The following OPCML variants were observed in gnomAD, a reference collection of about 807,000 sequenced individuals.
OPCML encodes the protein opioid binding protein/cell adhesion molecule like.
A neutral mutation model predicts 37.8 loss-of-function variants in OPCML; 13 were observed. That is an observed-to-expected ratio of 0.34 (90% CI 0.22 to 0.55). The LOEUF (loss-of-function observed/expected upper bound fraction) is 0.55, where lower values mean the gene tolerates loss of function less well. Ranked by LOEUF, OPCML falls within the 20% of genes least tolerant of loss-of-function variation. OPCML has a pLI of 0.91. For missense variants in OPCML, 341 were observed against 435.6 expected (o/e 0.78, Z 1.93); for synonymous variants, 176 against 168.8 (o/e 1.04, Z -0.33).
intron 2 of OPCML, among the ~76,000 whole-genome samples, chr11:132,914,221 T>A (rs1944531513): frequency 6.6e-6 from 1 of 152,232 alleles, no homozygotes. Flanking sequence ...AACTGCCTTG[T>A]GGCCCTCTGC....
chr11:132,762,742 T>A (rs565939048), intron 2 of OPCML, among the ~76,000 whole-genome samples: 1 of 152,100 alleles, frequency 6.6e-6, no homozygotes, highest in Non-Finnish European at 1.5e-5. Flanking sequence ...AATCATAGCT[T>A]TTTGGGCTCC....
rs1944936751 is a variant in OPCML, at chr11:132,727,748, G to A, written c.147-70429C>T. ...ATCTCCAGTCGGGAAAATACTCATG[G>A]AATAAAATATCCTCCTACAGCCCTA... On this transcript the variant is annotated intron_variant, in intron 2 of 7. Coordinates refer to ENST00000524381, the MANE Select transcript of OPCML (RefSeq NM_001012393.5). 2.6e-5 allele frequency among the ~76,000 whole-genome samples: 4 copies of A among 152,168 alleles called. 1 individual carries two copies. The South Asian group carries it at 8.3e-4, about 32-fold the overall frequency.
intron 1 of OPCML, among the ~76,000 whole-genome samples, chr11:133,268,890 C>T (rs1045151366): frequency 6.6e-6 from 1 of 152,178 alleles, no homozygotes; most frequent in African/African-American, 2.4e-5. Context: ...TTTTGCCCAT[C>T]ATACTGTTTA....
intron 3 of OPCML, among the ~76,000 whole-genome samples, chr11:132,619,663 C>A (rs1565717241): frequency 6.9e-6 from 1 of 144,310 alleles, no homozygotes; most frequent in Non-Finnish European, 1.5e-5. Flanking sequence ...ATGGTGAAAC[C>A]CCGTCTCTAC....
intron 1 of OPCML, among the ~76,000 whole-genome samples, chr11:133,371,995 G>C (rs539236637): frequency 3.3e-5 from 5 of 152,178 alleles, no homozygotes; most frequent in African/African-American, 1.2e-4. Flanking sequence ...ACAGAGAGTG[G>C]AATGATAGAT....
chr11:133,479,561 G>A (rs553219356), intron 1 of OPCML, among the ~76,000 whole-genome samples: 1 of 152,348 alleles, frequency 6.6e-6, no homozygotes, highest in African/African-American at 2.4e-5. Context: ...CACAGGCCCT[G>A]AAGGGCTTCT....
chr11:132,636,559 C>G (rs1482354445), intron 3 of OPCML, among the ~76,000 whole-genome samples: 1 of 152,138 alleles, frequency 6.6e-6, no homozygotes, highest in Non-Finnish European at 1.5e-5. Flanking sequence ...TATAATGCCT[C>G]CTGACTTGCA....
At chr11:132,878,592 C>A (rs1008500139) in intron 2 of OPCML, among the ~76,000 whole-genome samples, 3 of 152,084 alleles carry the variant, frequency 2.0e-5, no homozygotes, top group African/African-American at 4.8e-5. Flanking sequence ...TCCATTAATT[C>A]TTATGATAAA....
At chr11:132,714,634 G>A (rs756080300) in intron 2 of OPCML, among the ~76,000 whole-genome samples, 1 of 152,170 alleles carries the variant, frequency 6.6e-6, no homozygotes, top group South Asian at 2.1e-4. Context: ...GGTTATGTTG[G>A]TGCCAGAGTG....
intron 1 of OPCML, among the ~76,000 whole-genome samples, chr11:133,306,947 T>C (rs1358903603): frequency 1.3e-5 from 2 of 152,204 alleles, no homozygotes; most frequent in African/African-American, 4.8e-5. Flanking sequence ...TTCAGGGCAG[T>C]ATCTGTGTGG....
At chr11:132,888,632 T>C (rs1943515912) in intron 2 of OPCML, among the ~76,000 whole-genome samples, 1 of 152,022 alleles carries the variant, frequency 6.6e-6, no homozygotes, top group South Asian at 2.1e-4. Flanking sequence ...GTATTGTTCG[T>C]TTGTTTGTTT....
chr11:132,588,798 C>G (rs758093119), intron 3 of OPCML, among the ~76,000 whole-genome samples: 2 of 152,128 alleles, frequency 1.3e-5, no homozygotes, highest in Non-Finnish European at 2.9e-5. Context: ...CCAGGTTGTG[C>G]GTCAGCTTCT....
chr11:133,328,311 T>A (rs905146728), intron 1 of OPCML, among the ~76,000 whole-genome samples: 1 of 151,942 alleles, frequency 6.6e-6, no homozygotes, highest in African/African-American at 2.4e-5. Context: ...GTGCCTGCCA[T>A]CATGCCCAGC....
intron 4 of OPCML, among the ~76,000 whole-genome samples, chr11:132,489,417 G>C (rs185042826): frequency 1.2e-4 from 19 of 152,336 alleles, no homozygotes; most frequent in African/African-American, 4.3e-4. Flanking sequence ...ATAGTAAAAA[G>C]TGTGGTATAG....
At chr11:132,831,922 T>C (rs1471527713) in intron 2 of OPCML, among the ~76,000 whole-genome samples, 1 of 152,052 alleles carries the variant, frequency 6.6e-6, no homozygotes, top group Non-Finnish European at 1.5e-5. Context: ...CTGTCTTCCC[T>C]CTTCATTTTC....
chr11:132,898,170 G>T (rs186073853), intron 2 of OPCML, among the ~76,000 whole-genome samples: 1 of 152,170 alleles, frequency 6.6e-6, no homozygotes, highest in African/African-American at 2.4e-5. Flanking sequence ...AGAGACCAAC[G>T]CTGAAACCCT....
At chr11:132,536,783 G>C (rs2096341933) in intron 3 of OPCML, among the ~76,000 whole-genome samples, 1 of 152,150 alleles carries the variant, frequency 6.6e-6, no homozygotes, top group Non-Finnish European at 1.5e-5. Flanking sequence ...GTGATATTCT[G>C]TATACTCAAA....
intron 1 of OPCML, among the ~76,000 whole-genome samples, chr11:133,002,672 A>AT (rs1947028172): frequency 1.3e-5 from 2 of 151,784 alleles, no homozygotes; most frequent in Admixed American, 1.3e-4. Context: ...TTTAAGTGGA[A>AT]TTTTTTCTAT....
At chr11:132,852,278 A>C (rs1248583258) in intron 2 of OPCML, among the ~76,000 whole-genome samples, 1 of 152,132 alleles carries the variant, frequency 6.6e-6, no homozygotes, top group Non-Finnish European at 1.5e-5. Context: ...CTACTGAAAA[A>C]ATTTTGTATG....
Sources: gnomAD v4.1 joint callset for allele counts (sites outside exome capture counted in the v4.1 genomes callset) on GRCh38, gnomAD v4.1.1 for gene constraint, MANE v1.5 for transcripts, NCBI Gene and HGNC (gene_info 2026-07-23, HGNC 2026-07-21) for gene names.